The following TNIK variants were observed in gnomAD, a reference collection of about 807,000 sequenced individuals.
The protein encoded by TNIK is TRAF2 and NCK-interacting protein kinase.
Under a neutral mutation model 191.3 loss-of-function variants are expected in TNIK, and 49 were observed. That is an observed-to-expected ratio of 0.26 (90% CI 0.20 to 0.32). The LOEUF (loss-of-function observed/expected upper bound fraction) is 0.32. Among genes scored for constraint, TNIK ranks in the 10% least tolerant of loss-of-function variants. The pLI is 1.00. For synonymous variants in TNIK, 594 were observed against 600.9 expected, an observed-to-expected ratio of 0.99 and a Z score of 0.17; for missense variants, 1,155 against 1,702.3, an observed-to-expected ratio of 0.68 and a Z score of 5.66.
intron 2 of TNIK, among the ~76,000 whole-genome samples, chr3:171,352,767 CT>C (rs1370199380): frequency 6.6e-6 from 1 of 152,178 alleles, no homozygotes; most frequent in Non-Finnish European, 1.5e-5. Context: ...ACTTCTTAAA[CT>C]CCTGTTTATA....
chr3:171,141,826 A>G (rs1730885821), intron 12 of TNIK, among the ~76,000 whole-genome samples: 1 of 152,084 alleles, frequency 6.6e-6, no homozygotes, highest in South Asian at 2.1e-4. Flanking sequence ...TACCAGGGGG[A>G]CCATTTCCTT....
intron 2 of TNIK, among the ~76,000 whole-genome samples, chr3:171,332,368 T>A (rs1756497086): frequency 6.6e-6 from 1 of 152,240 alleles, no homozygotes; most frequent in African/African-American, 2.4e-5. Context: ...CCTTTTCATA[T>A]TTCTCATTAT....
intron 1 of TNIK, among the ~76,000 whole-genome samples, chr3:171,432,531 A>T (rs923308961): frequency 3.3e-5 from 5 of 152,216 alleles, no homozygotes; most frequent in Non-Finnish European, 7.4e-5. Context: ...TCATAGCACT[A>T]ACCAGACGGA....
intron 2 of TNIK, among the ~76,000 whole-genome samples, chr3:171,332,947 T>C (rs1756550740): frequency 6.6e-6 from 1 of 152,030 alleles, no homozygotes; most frequent in African/African-American, 2.4e-5. Context: ...AAAAGCAATA[T>C]TGGATGGGAC....
In TNIK at chr3:171,331,812, T is replaced by A. The variant is rs566182814; in HGVS notation, c.123+37808A>T. 5.9e-5 allele frequency among the ~76,000 whole-genome samples: 9 copies of A among 152,266 alleles called. No homozygotes were observed. In the East Asian group the frequency reaches 1.7e-3, roughly 29 times the overall value. On this transcript the variant is annotated intron_variant, in intron 2 of 32. Coordinates refer to ENST00000436636, the MANE Select transcript of TNIK (RefSeq NM_015028.4). The stretch of plus-strand genomic sequence containing the variant: ...ACACGGGCCTTTTTGATAATGTAAT[T>A]TTTTTCTTTGAACGCCTCTTTTACA...
intron 10 of TNIK, among the ~76,000 whole-genome samples, chr3:171,161,875 G>A (rs571342155): frequency 9.9e-5 from 15 of 152,194 alleles, no homozygotes; most frequent in East Asian, 7.7e-4. Flanking sequence ...AGCCAAGATC[G>A]TGCCACTGCA....
intron 1 of TNIK, among the ~76,000 whole-genome samples, chr3:171,425,249 C>G (rs1171245511): frequency 6.6e-6 from 1 of 152,158 alleles, no homozygotes; most frequent in African/African-American, 2.4e-5. Flanking sequence ...GACTGGTGTA[C>G]AAACTAACAA....
chr3:171,379,833 A>C (rs1171751673), intron 1 of TNIK, among the ~76,000 whole-genome samples: 2 of 152,156 alleles, frequency 1.3e-5, no homozygotes, highest in African/African-American at 2.4e-5. Flanking sequence ...ACATGGTGAA[A>C]CCCCATTTCT....
At chr3:171,440,723 T>C (rs567598102) in intron 1 of TNIK, among the ~76,000 whole-genome samples, 18 of 152,190 alleles carry the variant, frequency 1.2e-4, no homozygotes, top group Non-Finnish European at 2.6e-4. Flanking sequence ...AGGAAGAGGG[T>C]GTGGAGGGAG....
intron 2 of TNIK, among the ~76,000 whole-genome samples, chr3:171,247,936 C>T (rs1028752779): frequency 6.6e-6 from 1 of 152,086 alleles, no homozygotes; most frequent in African/African-American, 2.4e-5. Flanking sequence ...AAAAAAGTTG[C>T]TTGGTCTGAA....
intron 2 of TNIK, among the ~76,000 whole-genome samples, chr3:171,233,770 T>C (rs1433362051): frequency 1.3e-5 from 2 of 152,168 alleles, no homozygotes; most frequent in Non-Finnish European, 2.9e-5. Context: ...AAATATTTGC[T>C]GAAAAACAGA....
chr3:171,124,646 C>T (rs1728219964), intron 17 of TNIK, among the ~76,000 whole-genome samples: 1 of 152,130 alleles, frequency 6.6e-6, no homozygotes, highest in Non-Finnish European at 1.5e-5. Context: ...AAAGATGAGT[C>T]AGTAAAGTAA....
At chr3:171,096,633 C>T (rs1279726459) in intron 22 of TNIK, among the ~76,000 whole-genome samples, 1 of 152,176 alleles carries the variant, frequency 6.6e-6, no homozygotes, top group Non-Finnish European at 1.5e-5. Flanking sequence ...CTCCCTCTGG[C>T]TAACTCATTC....
At chr3:171,071,186 TA>T (rs1341014491) in intron 29 of TNIK, 36 bp downstream of exon 29, 14 of 1,526,102 alleles carry the variant, frequency 9.2e-6, no homozygotes, top group Admixed American at 2.3e-5. Context: ...GGAAAATTTT[TA>T]AAAAGCACAT....
At chr3:171,264,099 CACACACACACACATATATAT>C (rs1453350069) in intron 2 of TNIK, among the ~76,000 whole-genome samples, 1 of 84,224 alleles carries the variant, frequency 1.2e-5, no homozygotes, top group African/African-American at 4.8e-5. Flanking sequence ...CACACACACA[CACACACACACACATATATAT>C]ATATATATAT....
At chr3:171,430,827 A>T (rs1577912073) in intron 1 of TNIK, among the ~76,000 whole-genome samples, 1 of 152,176 alleles carries the variant, frequency 6.6e-6, no homozygotes, top group African/African-American at 2.4e-5. Context: ...TTTCCTTTAC[A>T]TTTCAACTTT....
At chr3:171,276,439 T>C (rs1467726847) in intron 2 of TNIK, among the ~76,000 whole-genome samples, 1 of 151,924 alleles carries the variant, frequency 6.6e-6, no homozygotes, top group Non-Finnish European at 1.5e-5. Flanking sequence ...TGTCGGAAAA[T>C]GTCAAAAGTG....
chr3:171,448,839 G>C (rs2108720610), intron 1 of TNIK, among the ~76,000 whole-genome samples: 1 of 152,146 alleles, frequency 6.6e-6, no homozygotes, highest in African/African-American at 2.4e-5. Flanking sequence ...TGCCATGGTG[G>C]TTTGCTGCAC....
chr3:171,459,622 A>G (rs1729196653), intron 1 of TNIK, among the ~76,000 whole-genome samples: 1 of 150,964 alleles, frequency 6.6e-6, no homozygotes, highest in South Asian at 2.1e-4. Context: ...TTCTTTTTGC[A>G]GAAGGGACAG....
Sources: gnomAD v4.1 joint callset for allele counts (sites outside exome capture counted in the v4.1 genomes callset) on GRCh38, gnomAD v4.1.1 for gene constraint, MANE v1.5 for transcripts, NCBI Gene and HGNC (gene_info 2026-07-23, HGNC 2026-07-21) for gene names.